WDR41: variants seen among roughly 807,000 people sequenced by gnomAD.
WDR41 encodes WD repeat-containing protein 41.
Under a neutral mutation model 69.3 loss-of-function variants are expected in WDR41, and 63 were observed. The ratio of observed to expected loss-of-function variants is 0.91; its 90% confidence interval spans 0.74 to 1.12. WDR41 has a LOEUF of 1.12. WDR41 is among the 50% of genes most tolerant of loss of function. The pLI, the probability that WDR41 is intolerant of heterozygous loss-of-function variation, is 0.00. For synonymous variants in WDR41, 185 were observed against 192.1 expected (o/e 0.96, Z 0.31); for missense variants, 543 against 534.5 (o/e 1.02, Z -0.16).
At chr5:77,437,894 G>C (rs909486007) in intron 10 of WDR41, among the ~76,000 whole-genome samples, 1 of 152,134 alleles carries the variant, frequency 6.6e-6, no homozygotes. Flanking sequence ...GCAACCATTT[G>C]ATTCTGGCCA....
chr5:77,533,877 A>G (rs1742910420), intron 1 of WDR41, among the ~76,000 whole-genome samples: 5 of 152,096 alleles, frequency 3.3e-5, no homozygotes, highest in Non-Finnish European at 7.4e-5. Context: ...GCTTTTCCAC[A>G]TATTAAAGAG....
chr5:77,526,293 T>C lies in WDR41; in HGVS notation c.43-36721A>G, dbSNP rs191269115. Among the ~76,000 whole-genome samples, 41 of 152,168 alleles carry C rather than the reference T, an allele frequency of 2.7e-4. No homozygotes were observed. In the East Asian group the frequency reaches 7.5e-3, roughly 28 times the overall value. On this transcript the variant is annotated intron_variant, in intron 1 of 5. Transcript: ENST00000509971. ...TTTCAACCTTAAATACTTCTGTGTG[T>C]TCTCTAAAAAATAAGGACTTTTTTT...
At chr5:77,529,477 C>A (rs1357018363) in intron 1 of WDR41, among the ~76,000 whole-genome samples, 1 of 151,360 alleles carries the variant, frequency 6.6e-6, no homozygotes, top group Non-Finnish European at 1.5e-5. Context: ...ACAATAAAAC[C>A]ACAATCAAAA....
intron 1 of WDR41, among the ~76,000 whole-genome samples, chr5:77,552,216 A>G (rs985550568): frequency 1.3e-5 from 2 of 151,568 alleles, no homozygotes; most frequent in Non-Finnish European, 2.9e-5. Context: ...TTAAATAAAT[A>G]TAAAGACACA....
chr5:77,477,654 C>A (rs1194191338), intron 2 of WDR41, among the ~76,000 whole-genome samples: 1 of 85,498 alleles, frequency 1.2e-5, no homozygotes, highest in Non-Finnish European at 2.0e-5. Context: ...ATATCAGAAT[C>A]TCTGGGACAC....
chr5:77,529,359 T>C (rs1581787190), intron 1 of WDR41, among the ~76,000 whole-genome samples: 1 of 151,116 alleles, frequency 6.6e-6, no homozygotes, highest in South Asian at 2.1e-4. Flanking sequence ...CTATTACTGA[T>C]AAAAAAAACT....
At chr5:77,578,209 G>A (rs1331088221) in intron 1 of WDR41, among the ~76,000 whole-genome samples, 1 of 152,198 alleles carries the variant, frequency 6.6e-6, no homozygotes, top group African/African-American at 2.4e-5. Context: ...AGAGCAATAC[G>A]TACCCCCAGG....
chr5:77,578,212 C>A (rs1743868111), intron 1 of WDR41, among the ~76,000 whole-genome samples: 1 of 152,096 alleles, frequency 6.6e-6, no homozygotes, highest in South Asian at 2.1e-4. Flanking sequence ...GCAATACGTA[C>A]CCCCAGGGAT....
At chr5:77,579,222 A>G (rs1182094616) in intron 1 of WDR41, among the ~76,000 whole-genome samples, 1 of 152,134 alleles carries the variant, frequency 6.6e-6, no homozygotes, top group African/African-American at 2.4e-5. Flanking sequence ...GACAAAGGAA[A>G]AGAAAAAATA....
intron 5 of WDR41, among the ~76,000 whole-genome samples, chr5:77,458,257 C>T (rs1265322391): frequency 1.3e-5 from 2 of 152,080 alleles, no homozygotes; most frequent in Admixed American, 6.6e-5. Context: ...ATATTTTGAA[C>T]AGCACAGTGC....
At chr5:77,460,013 A>G (rs573656772) in intron 4 of WDR41, among the ~76,000 whole-genome samples, 1 of 152,246 alleles carries the variant, frequency 6.6e-6, no homozygotes, top group South Asian at 2.1e-4. Flanking sequence ...AGTTGGGCAA[A>G]AAAAAAAGTC....
intron 3 of WDR41, among the ~76,000 whole-genome samples, chr5:77,464,282 T>TC (rs1800197148): frequency 7.0e-6 from 1 of 143,282 alleles, no homozygotes; most frequent in South Asian, 2.3e-4. Context: ...AACTTTTTTT[T>TC]TTTTTTTTTT....
intron 2 of WDR41, among the ~76,000 whole-genome samples, chr5:77,470,864 A>G (rs1800563148): frequency 1.1e-5 from 1 of 90,710 alleles, no homozygotes. Flanking sequence ...CATTAGACAG[A>G]TCAACAAGAC....
intron 1 of WDR41, among the ~76,000 whole-genome samples, chr5:77,613,748 G>C (rs1188079984): frequency 6.6e-6 from 1 of 152,170 alleles, no homozygotes; most frequent in African/African-American, 2.4e-5. Context: ...AGGACTTCAT[G>C]TCCAAAACAC....
rs577382117 is a variant in WDR41 at position 77,521,065 on chromosome 5, G to A, written c.43-31493C>T. On this transcript the variant is annotated intron_variant, in intron 1 of 5. Transcript: ENST00000509971. ...AGTCTCGCCCAAATAAGTTGGTATT[G>A]CCCCAGGTACCCTTGTCTCCTAAGG... 1.4e-4 allele frequency among the ~76,000 whole-genome samples: 22 copies of A among 152,216 alleles called. No individual in the cohort carries two copies. The Middle Eastern group carries it at 0.01, about 71-fold the overall frequency.
In WDR41 at chr5:77,434,736, C is replaced by T. The variant is rs139247634; in HGVS notation, c.1228-1449G>A. On this transcript the variant is annotated intron_variant, in intron 12 of 12. Transcript: ENST00000296679. ...AAATGAGGAAATTCAGGTGACACTGCAAAGATAGCCTAGATTTTATCAACG... is the reference window on the plus strand; with the variant it reads ...AAATGAGGAAATTCAGGTGACACTGTAAAGATAGCCTAGATTTTATCAACG... Among the ~76,000 whole-genome samples the T allele has an allele frequency of 5.5e-4, 84 of 152,100 alleles. No individual in the cohort carries two copies. The East Asian group carries it at 0.012, about 22-fold the overall frequency.
intron 2 of WDR41, among the ~76,000 whole-genome samples, chr5:77,470,195 G>A (rs113631449): frequency 0.053 from 8,091 of 151,778 alleles, 349 homozygotes; most frequent in Admixed American, 0.13. Context: ...ATAAGTGAAG[G>A]AGAAATAAAA....
intron 2 of WDR41, among the ~76,000 whole-genome samples, chr5:77,483,894 T>C (rs1037289234): frequency 5.3e-5 from 8 of 152,204 alleles, no homozygotes; most frequent in Non-Finnish European, 8.8e-5. Context: ...TTTAAACATA[T>C]GTGATATGTT....
At chr5:77,540,142 A>T (rs1743060633) in intron 1 of WDR41, among the ~76,000 whole-genome samples, 1 of 152,256 alleles carries the variant, frequency 6.6e-6, no homozygotes, top group Non-Finnish European at 1.5e-5. Context: ...CACTCCTGAT[A>T]GAATTCCCAG....
Sources: gnomAD v4.1 joint callset for allele counts (sites outside exome capture counted in the v4.1 genomes callset) on GRCh38, gnomAD v4.1.1 for gene constraint, MANE v1.5 for transcripts, NCBI Gene and HGNC (gene_info 2026-07-23, HGNC 2026-07-21) for gene names.